The following ERG variants were observed in gnomAD, a reference collection of about 807,000 sequenced individuals.
ERG encodes ETS transcription factor ERG, also known as transcriptional regulator ERG.
A neutral mutation model predicts 55.3 loss-of-function variants in ERG; 9 were observed. That is an observed-to-expected ratio of 0.16 (90% CI 0.10 to 0.28). ERG has a LOEUF of 0.28. Among genes scored for constraint, ERG ranks in the 10% least tolerant of loss-of-function variants. The probability of loss-of-function intolerance (pLI) is 1.00; values close to 1 mark genes in which losing one functional copy is unlikely to be tolerated. For missense variants in ERG, 434 were observed against 631.6 expected (o/e 0.69, Z 3.35); for synonymous variants, 223 against 237.3 (o/e 0.94, Z 0.55).
At chr21:38,601,724 G>C (rs1449976775) in intron 1 of ERG, among the ~76,000 whole-genome samples, 2 of 152,124 alleles carry the variant, frequency 1.3e-5, no homozygotes, top group Non-Finnish European at 2.9e-5. Flanking sequence ...TTTAAGTAGA[G>C]AGGATAACAG....
At chr21:38,482,507 T>C (rs1307923946) in intron 1 of ERG, among the ~76,000 whole-genome samples, 1 of 152,094 alleles carries the variant, frequency 6.6e-6, no homozygotes, top group African/African-American at 2.4e-5. Context: ...AGCAATCCCT[T>C]TTCTGGGTAC....
chr21:38,516,768 G>A (rs114075086), intron 2 of ERG, among the ~76,000 whole-genome samples: 1,903 of 151,872 alleles, frequency 0.013, 43 homozygotes, highest in African/African-American at 0.043. Context: ...AAAAACAGAC[G>A]CATAGACCAA....
intron 2 of ERG, among the ~76,000 whole-genome samples, chr21:38,573,771 A>G (rs1354548513): frequency 3.3e-5 from 5 of 152,144 alleles, no homozygotes; most frequent in South Asian, 2.1e-4. Context: ...CGGTCCCCTG[A>G]GCCCACTGTT....
At chr21:38,661,711 G>A (rs924452285), upstream of ERG, 1 of 152,266 alleles carries the variant, frequency 6.6e-6, no homozygotes, top group Non-Finnish European at 1.5e-5. Flanking sequence ...CGACCGTCCC[G>A]GAGCGATCTC....
At chr21:38,627,584 T>C (rs998161604) in intron 1 of ERG, among the ~76,000 whole-genome samples, 1 of 152,214 alleles carries the variant, frequency 6.6e-6, no homozygotes, top group African/African-American at 2.4e-5. Context: ...TTTTTACATT[T>C]ATTATGTGAT....
At chr21:38,447,226 A>T (rs2058900461) in intron 1 of ERG, among the ~76,000 whole-genome samples, 1 of 151,934 alleles carries the variant, frequency 6.6e-6, no homozygotes, top group African/African-American at 2.4e-5. Flanking sequence ...AAGGAGGAAG[A>T]ATCAAAACAA....
chr21:38,573,159 C>T (rs895007333), intron 2 of ERG, among the ~76,000 whole-genome samples: 2 of 152,102 alleles, frequency 1.3e-5, no homozygotes, highest in Admixed American at 6.5e-5. Flanking sequence ...CCTCAATAAA[C>T]CAGGGGCACA....
At chr21:38,409,433 A>T (rs2018579) in intron 3 of ERG, among the ~76,000 whole-genome samples, 79,806 of 149,548 alleles carry the variant, frequency 0.53, 21,995 homozygotes, top group Non-Finnish European at 0.61. Context: ...CGATAAGCCG[A>T]GATTGCGCCA....
At chr21:38,439,938 G>T (rs993273240) in intron 2 of ERG, among the ~76,000 whole-genome samples, 1 of 152,162 alleles carries the variant, frequency 6.6e-6, no homozygotes, top group African/African-American at 2.4e-5. Context: ...TGGACAGAGG[G>T]CACTATTCCC....
chr21:38,524,174 G>C (rs2059614294), intron 2 of ERG, among the ~76,000 whole-genome samples: 2 of 152,100 alleles, frequency 1.3e-5, no homozygotes, highest in South Asian at 4.2e-4. Flanking sequence ...CCAGAGCCCT[G>C]CCCACCTGGA....
At chr21:38,465,147 AC>A (rs928918847) in intron 1 of ERG, among the ~76,000 whole-genome samples, 2 of 152,140 alleles carry the variant, frequency 1.3e-5, no homozygotes, top group African/African-American at 4.8e-5. Context: ...TTACAAGTGT[AC>A]CCTGCTGTCT....
rs1987530441 is a variant in ERG, at chr21:38,383,292, A to G, written c.*111T>C. 2 of 1,336,434 alleles carry G rather than the reference A, an allele frequency of 1.5e-6. No homozygotes were observed. Among genetic ancestry groups the G allele is most frequent in the Admixed American group, 3.5e-5 (1 of 28,932 alleles). 82.8% of individuals were successfully genotyped at this position (1,336,434 alleles called of 1,614,324 possible). On this transcript the variant is annotated 3_prime_UTR_variant, in exon 10 of 10. Transcript: ENST00000288319. The surrounding 1 kb of genome is among the most constrained non-coding windows in gnomAD (Gnocchi z 5.7). ...TTCCCCGGCTTCCTTCCCCAGCCCC[A>G]GTAAAGCTTTTTTCATTCCTCTTGA...
At chr21:38,557,131 G>A (rs572254876) in intron 2 of ERG, among the ~76,000 whole-genome samples, 1 of 152,320 alleles carries the variant, frequency 6.6e-6, no homozygotes, top group South Asian at 2.1e-4. Flanking sequence ...TACTCAGGAA[G>A]AGAAAGTTCT....
At chr21:38,579,291 G>C (rs1424297206) in intron 1 of ERG, among the ~76,000 whole-genome samples, 1 of 152,194 alleles carries the variant, frequency 6.6e-6, no homozygotes, top group East Asian at 1.9e-4. Flanking sequence ...GTTTCTTATG[G>C]GGAAGTTTTG....
chr21:38,481,348 C>T (rs887001553), intron 1 of ERG, among the ~76,000 whole-genome samples: 15 of 152,078 alleles, frequency 9.9e-5, no homozygotes, highest in African/African-American at 3.1e-4. Flanking sequence ...TACATGCGGA[C>T]GCTGTGGAAA....
intron 1 of ERG, among the ~76,000 whole-genome samples, chr21:38,486,716 T>C (rs2059288744): frequency 6.6e-6 from 1 of 152,114 alleles, no homozygotes; most frequent in Non-Finnish European, 1.5e-5. Flanking sequence ...ATTATTATTA[T>C]TGTTGTTATT....
At chr21:38,413,444 C>A (rs1989147076) in intron 3 of ERG, among the ~76,000 whole-genome samples, 1 of 152,070 alleles carries the variant, frequency 6.6e-6, no homozygotes. Context: ...TGCTTTACTT[C>A]ATTCATTTAT....
At chr21:38,512,975 A>G (rs1461395877) in intron 2 of ERG, among the ~76,000 whole-genome samples, 2 of 152,020 alleles carry the variant, frequency 1.3e-5, no homozygotes. Flanking sequence ...TACTAAAAAT[A>G]CAAAAATTAG....
intron 2 of ERG, among the ~76,000 whole-genome samples, chr21:38,536,297 CAGT>C (rs10562364): frequency 0.84 from 127,411 of 151,786 alleles, 53,479 homozygotes; most frequent in Middle Eastern, 0.9. Context: ...GAAAGCTGGT[CAGT>C]AGTAACACAA....
Sources: gnomAD v4.1 joint callset for allele counts (sites outside exome capture counted in the v4.1 genomes callset) on GRCh38, gnomAD v4.1.1 for gene constraint, Gnocchi (gnomAD v3.1) non-coding constraint, MANE v1.5 for transcripts, NCBI Gene and HGNC (gene_info 2026-07-23, HGNC 2026-07-21) for gene names.